CLSTN1: variants seen among roughly 807,000 people sequenced by gnomAD.
The protein encoded by CLSTN1 is calsyntenin-1.
CLSTN1 carries 28 observed loss-of-function variants against 108.3 expected under a neutral mutation model. The ratio of observed to expected loss-of-function variants is 0.26; its 90% CI spans 0.19 to 0.35. CLSTN1 has a LOEUF of 0.35. Among genes scored for constraint, CLSTN1 ranks in the 10% least tolerant of loss-of-function variants. The pLI, the probability that CLSTN1 is intolerant of heterozygous loss-of-function variation, is 1.00. For synonymous variants in CLSTN1, 524 were observed against 534.9 expected (o/e 0.98, Z 0.28); for missense variants, 1,157 against 1,302.6 (o/e 0.89, Z 1.72).
At chr1:9,811,586 G>A (rs907392537) in intron 1 of CLSTN1, among the ~76,000 whole-genome samples, 9 of 151,910 alleles carry the variant, frequency 5.9e-5, no homozygotes, top group Non-Finnish European at 1.2e-4. Flanking sequence ...AACTCAAAAC[G>A]ACTGTACCCC....
chr1:9,776,855 T>A (rs973122901), intron 1 of CLSTN1, among the ~76,000 whole-genome samples: 15 of 115,516 alleles, frequency 1.3e-4, no homozygotes, highest in Non-Finnish European at 2.5e-4. Context: ...CTATCATCTA[T>A]CAGCATTTAT....
At position 9,734,601 on chromosome 1, in the gene CLSTN1, T is replaced by C. The variant is rs1650586107; in HGVS notation, c.2110+347A>G. ...AAAAAAAAAAAAAAGGGGGGGAGTT[T>C]CATGTGTCCTGAGCAAGAATTGTGG... On this transcript the variant is annotated intron_variant, in intron 14 of 18. Coordinates refer to ENST00000377298, the MANE Select transcript of CLSTN1 (RefSeq NM_001009566.3). The surrounding 1 kb of genome is among the most constrained non-coding windows in gnomAD (Gnocchi z 4.8). Among the ~76,000 whole-genome samples, 1 of 149,818 alleles carries C rather than the reference T, an allele frequency of 6.7e-6. No individual in the cohort carries two copies. The highest frequency in any genetic ancestry group is 2.1e-4 in the South Asian group (1 of 4,748).
chr1:9,750,645 G>A (rs1373361631), intron 5 of CLSTN1, among the ~76,000 whole-genome samples: 4 of 148,818 alleles, frequency 2.7e-5, no homozygotes, highest in African/African-American at 1.0e-4. Flanking sequence ...CCAGGAGTTC[G>A]AGGTTACAGT....
At position 9,741,124 on chromosome 1, in the gene CLSTN1, T is replaced by C; in HGVS notation, c.1489A>G (p.Thr497Ala). The C allele has an allele frequency of 1.2e-6, 2 of 1,613,462 alleles. No homozygotes were observed. The highest frequency in any genetic ancestry group is 1.3e-5 in the African/African-American group (1 of 74,884). Residue 497 changes from threonine to alanine, a missense_variant, in exon 10 of 19, where the codon ACT becomes GCT. By Grantham distance (58) the Thr-to-Ala change is moderately conservative. Transcript: ENST00000377298. ...CAGCAAGCCCCCACCACGAGCTGAG[T>C]TTCTATCTTGGATGGATGGAGCGGG... is the stretch of plus-strand genomic sequence containing the variant. ...DYPLHPSKIE[T>A]QLVVGACWQE...
Position 9,730,673 on chromosome 1 carries a change from C to T in CLSTN1, c.2781G>A (p.Glu927=), listed in dbSNP as rs753518054. Residue 927 remains glutamate, a synonymous_variant, in exon 19 of 19, where the codon GAG becomes GAA. Transcript: ENST00000377298. The surrounding 1 kb of genome is among the most constrained non-coding windows in gnomAD (Gnocchi z 5.6). ...TTTCCTCTTCCTCTTCCTCTTCCTC[C>T]TCCTCCTCACTGCTGTGCTGGTCCT... ...TYEDQHSSEE[E]EEEEEEEESE... 60 of 1,609,038 alleles carry T rather than the reference C, an allele frequency of 3.7e-5. No homozygotes were observed. The African/African-American group carries it at 7.6e-4, about 20-fold the overall frequency.
chr1:9,817,193 G>A (rs1212210076), intron 1 of CLSTN1, among the ~76,000 whole-genome samples: 3 of 152,134 alleles, frequency 2.0e-5, no homozygotes, highest in African/African-American at 4.8e-5. Flanking sequence ...ACAGTGAGAC[G>A]CCACTTCTAT....
At chr1:9,749,233 C>T (rs1185352460) in intron 7 of CLSTN1, among the ~76,000 whole-genome samples, 1 of 152,056 alleles carries the variant, frequency 6.6e-6, no homozygotes, top group Non-Finnish European at 1.5e-5. Context: ...CACATATACA[C>T]AACATGTTGA....
At chr1:9,772,039 C>T (rs1327380948) in intron 2 of CLSTN1, among the ~76,000 whole-genome samples, 22 of 149,254 alleles carry the variant, frequency 1.5e-4, no homozygotes, top group African/African-American at 2.5e-4. Flanking sequence ...TGCAGTGGCG[C>T]GATCTCGGCT....
intron 1 of CLSTN1, among the ~76,000 whole-genome samples, chr1:9,775,304 AGTTCCTC>A (rs930599400): frequency 2.0e-5 from 3 of 151,016 alleles, no homozygotes; most frequent in African/African-American, 7.3e-5. Context: ...ACTGATCTCA[AGTTCCTC>A]GTTCGTAAAC....
rs556751223 is a variant in CLSTN1 at position 9,803,138 on chromosome 1, T to C, written c.91+20505A>G. On this transcript the variant is annotated intron_variant, in intron 1 of 18. Coordinates refer to ENST00000377298, the MANE Select transcript of CLSTN1 (RefSeq NM_001009566.3). ...ACGCCCAGCTAAAAGTACTTAACAT[T>C]CTAATGCAAAAATAATATACAAGCA... 6.6e-5 allele frequency among the ~76,000 whole-genome samples: 10 copies of C among 152,148 alleles called. No homozygotes were observed. In the South Asian group the frequency reaches 2.1e-3, roughly 32 times the overall value.
At chr1:9,776,491 G>C (rs918938368) in intron 1 of CLSTN1, among the ~76,000 whole-genome samples, 1 of 151,928 alleles carries the variant, frequency 6.6e-6, no homozygotes, top group Non-Finnish European at 1.5e-5. Flanking sequence ...GCTTCAAAAT[G>C]GTAGACAGGA....
At chr1:9,791,924 C>T (rs1052448435) in intron 1 of CLSTN1, among the ~76,000 whole-genome samples, 2 of 150,960 alleles carry the variant, frequency 1.3e-5, no homozygotes, top group African/African-American at 2.4e-5. Flanking sequence ...TGAGGCGGGT[C>T]GATCACCTGA....
At chr1:9,819,158 C>A (rs970958853) in intron 1 of CLSTN1, among the ~76,000 whole-genome samples, 9 of 152,030 alleles carry the variant, frequency 5.9e-5, no homozygotes, top group African/African-American at 9.7e-5. Context: ...TGATCTAAGC[C>A]CTCAACCAGA....
intron 7 of CLSTN1, among the ~76,000 whole-genome samples, chr1:9,746,059 C>T (rs1004568958): frequency 2.0e-5 from 3 of 152,052 alleles, no homozygotes; most frequent in African/African-American, 7.2e-5. Flanking sequence ...TGAGCCACCG[C>T]GCTCGGCCTG....
In CLSTN1 at chr1:9,730,338, G is replaced by A. The variant is rs77950539; in HGVS notation, c.*170C>T. On this transcript the variant is annotated 3_prime_UTR_variant, in exon 19 of 19. Coordinates refer to ENST00000377298, the MANE Select transcript of CLSTN1 (RefSeq NM_001009566.3). The surrounding 1 kb of genome is among the most constrained non-coding windows in gnomAD (Gnocchi z 5.6). ...TGAAGAGCGCGACCAGGCAGAGGGT[G>A]GGCGGGGAGCCTAGGGTCCTACACA... The A allele has an allele frequency of 5.7e-4, 390 of 682,284 alleles. 1 individual carries two copies. The African/African-American group carries it at 6.1e-3, about 11-fold the overall frequency. 42.3% of individuals were successfully genotyped at this position (682,284 alleles called of 1,614,324 possible).
intron 16 of CLSTN1, 131 bp downstream of exon 16, chr1:9,733,268 ACC>A: frequency 9.1e-7 from 1 of 1,097,302 alleles, no homozygotes. Context: ...TGGAAAGGCG[ACC>A]CCCTAGAATG....
At chr1:9,769,946 C>A (rs907230767) in intron 2 of CLSTN1, among the ~76,000 whole-genome samples, 2 of 150,982 alleles carry the variant, frequency 1.3e-5, no homozygotes, top group African/African-American at 4.9e-5. Context: ...AGGAGAATGG[C>A]GTGAACCCGG....
At chr1:9,818,328 TTTTG>T (rs1397117458) in intron 1 of CLSTN1, among the ~76,000 whole-genome samples, 6 of 150,146 alleles carry the variant, frequency 4.0e-5, no homozygotes, top group African/African-American at 1.2e-4. Context: ...TTTTTTTTGT[TTTTG>T]TTTTTGTTTT....
At position 9,731,890 on chromosome 1, in the gene CLSTN1, C is replaced by T. The variant is rs1650418803; in HGVS notation, c.2434G>A (p.Val812Ile). The change falls in exon 17 of 19, where the codon GTA becomes ATA. Residue 812 changes from valine (V) to isoleucine (I), a missense_variant. Coordinates refer to ENST00000377298, the MANE Select transcript of CLSTN1 (RefSeq NM_001009566.3). ...TCCATGGGGTTGGCCGTGTGGATTA[C>T]ATTCACCTATAGCAGAGAAAGAGAG... Reference protein sequence around the residue: ...ISNEFKVEVNVIHTANPMEHA... With the variant: ...ISNEFKVEVNIIHTANPMEHA... 6.2e-7 allele frequency: 1 copy of T among 1,614,174 alleles called. No individual in the cohort carries two copies. The highest frequency in any genetic ancestry group is 8.5e-7 in the Non-Finnish European group (1 of 1,180,032).
Sources: gnomAD v4.1 joint callset for allele counts (sites outside exome capture counted in the v4.1 genomes callset) on GRCh38, gnomAD v4.1.1 for gene constraint, Gnocchi (gnomAD v3.1) non-coding constraint, MANE v1.5 for transcripts, NCBI Gene and HGNC (gene_info 2026-07-23, HGNC 2026-07-21) for gene names.